Variants in DNAH9 observed in about 807,000 individuals in gnomAD.
The protein encoded by DNAH9 is dynein axonemal heavy chain 9, also known as DNAH9 variant protein.
A neutral mutation model predicts 471.6 loss-of-function variants in DNAH9; 345 were observed. The observed-to-expected ratio is 0.73, with a 90% CI of 0.67 to 0.80. The LOEUF is 0.80. Among genes scored for constraint, DNAH9 ranks in the 30% least tolerant of loss-of-function variants. DNAH9 has a pLI of 0.00. For missense variants in DNAH9, 5,407 were observed against 5,609.2 expected (o/e 0.96, Z 1.15); for synonymous variants, 2,093 against 2,123.6 (o/e 0.99, Z 0.40).
chr17:11,967,717 T>C (rs76228955), intron 68 of DNAH9, among the ~76,000 whole-genome samples: 1,639 of 152,230 alleles, frequency 0.011, 33 homozygotes, highest in African/African-American at 0.038. Flanking sequence ...ACGTTTTAGA[T>C]TGGAAGATAC....
chr17:11,859,801 T>C (rs1344957108), intron 50 of DNAH9, among the ~76,000 whole-genome samples: 1 of 152,018 alleles, frequency 6.6e-6, no homozygotes, highest in African/African-American at 2.4e-5. Context: ...AAGAACTCAT[T>C]TACCAGCAAG....
chr17:11,810,421 A>G (rs1239798598), intron 45 of DNAH9, 52 bp downstream of exon 45: 1 of 1,584,666 alleles, frequency 6.3e-7, no homozygotes, highest in Non-Finnish European at 8.6e-7. Flanking sequence ...CTGGAATCAG[A>G]GTTATACAAA....
At chr17:11,763,698 G>C in intron 36 of DNAH9, 84 bp downstream of exon 36, 1 of 1,326,676 alleles carries the variant, frequency 7.5e-7, no homozygotes, top group Non-Finnish European at 1.0e-6. Context: ...TGGAAGACAG[G>C]ACAGCTAAAT....
At chr17:11,690,675 A>G (rs1308037193) in intron 20 of DNAH9, among the ~76,000 whole-genome samples, 1 of 146,406 alleles carries the variant, frequency 6.8e-6, no homozygotes, top group African/African-American at 2.6e-5. Context: ...AAGAAAGGAA[A>G]ACCTCATTCA....
chr17:11,636,801 G>A lies in DNAH9; in HGVS notation c.1786+17G>A, dbSNP rs771834613. ...CAGAACTTGGTAGGCTTGTTAAAGG[G>A]GATTTTGATGGGGACATTCTGTTAC... On this transcript the variant is annotated intron_variant, in intron 9 of 68. Coordinates refer to ENST00000262442, the MANE Select transcript of DNAH9 (RefSeq NM_001372.4). The A allele has an allele frequency of 6.2e-7, 1 of 1,611,118 alleles. No homozygotes were observed. Among genetic ancestry groups the A allele is most frequent in the African/African-American group, 1.3e-5 (1 of 74,824 alleles).
chr17:11,852,595 G>T (rs368446966), intron 49 of DNAH9, among the ~76,000 whole-genome samples: 2 of 151,806 alleles, frequency 1.3e-5, no homozygotes, highest in African/African-American at 4.8e-5. Context: ...CAGATGGAAG[G>T]TGCAAATTCA....
At position 11,680,771 on chromosome 17, in the gene DNAH9, A is replaced by T. The variant is rs2074120035; in HGVS notation, c.3625A>T (p.Lys1209Ter). 6.2e-7 allele frequency: 1 copy of T among 1,613,996 alleles called. No homozygotes were observed. Among genetic ancestry groups the T allele is most frequent in the Non-Finnish European group, 8.5e-7 (1 of 1,179,926 alleles). Residue 1209 changes from lysine (K) to a stop codon, truncating the protein, a stop_gained, in exon 19 of 69, where the codon AAG (lysine) becomes TAG (stop). Coordinates refer to ENST00000262442, the MANE Select transcript of DNAH9 (RefSeq NM_001372.4). LOFTEE classifies it high-confidence loss of function. ...CATAAAAAAGGTGGCCATTACTGTG[A>T]AGCAGCAGGTGGCCCCACTGCAGGC... The part of the protein sequence containing the change: ...NNIKKVAITV[K>*]QQVAPLQANE...
chr17:11,916,949 T>A lies in DNAH9; in HGVS notation c.11750-6865T>A, dbSNP rs148178047. 3.4e-3 allele frequency among the ~76,000 whole-genome samples: 523 copies of A among 152,138 alleles called. 3 individuals are homozygous for A. The highest frequency in any genetic ancestry group is 0.012 in the African/African-American group (506 of 41,520). ...CATTGGCCAATTAATAATTAATAATTCCCTTGATTAGGAATCTATAATTTG... is the reference window on the plus strand; with the variant it reads ...CATTGGCCAATTAATAATTAATAATACCCTTGATTAGGAATCTATAATTTG... On this transcript the variant is annotated intron_variant, in intron 61 of 68. Transcript: ENST00000262442.
chr17:11,877,578 A>C (rs1972553568), intron 53 of DNAH9, among the ~76,000 whole-genome samples: 1 of 150,224 alleles, frequency 6.7e-6, no homozygotes, highest in African/African-American at 2.5e-5. Context: ...GCAAACAGCC[A>C]CTCAAAGTGA....
In DNAH9 at chr17:11,784,342, GC is replaced by G. The variant is rs769347008; in HGVS notation, c.7867del (p.Leu2623CysfsTer13). ...TGTCCTCTCCTTCCCGGGGGCAGATGCCCTGTCCTCTATCTACAGCATCATC... is the reference window on the plus strand; with the variant it reads ...TGTCCTCTCCTTCCCGGGGGCAGATGCCTGTCCTCTATCTACAGCATCATC... ...VFVLSFPGADALSSIYSIILT... is the reference protein window; with the variant it reads ...VFVLSFPGADXLSSIYSIILT... On this transcript the variant is annotated frameshift_variant, in exon 41 of 69. Coordinates refer to ENST00000262442, the MANE Select transcript of DNAH9 (RefSeq NM_001372.4). LOFTEE classifies it high-confidence loss of function. The G allele has an allele frequency of 6.2e-7, 1 of 1,614,160 alleles. No individual in the cohort carries two copies. The highest frequency in any genetic ancestry group is 8.5e-7 in the Non-Finnish European group (1 of 1,180,028).
intron 45 of DNAH9, among the ~76,000 whole-genome samples, chr17:11,815,330 T>A (rs939468597): frequency 1.3e-5 from 2 of 152,140 alleles, no homozygotes; most frequent in African/African-American, 4.8e-5. Context: ...CCACCAATTT[T>A]CCCCTTATCT....
At chr17:11,879,897 G>T (rs1445307532) in intron 53 of DNAH9, among the ~76,000 whole-genome samples, 181 bp from the exon 54 acceptor site, 1 of 152,108 alleles carries the variant, frequency 6.6e-6, no homozygotes, top group African/African-American at 2.4e-5. Context: ...TTCTAAAAGT[G>T]TATAGAATCA....
intron 41 of DNAH9, among the ~76,000 whole-genome samples, chr17:11,792,694 G>T (rs1300555350): frequency 1.3e-5 from 2 of 152,190 alleles, no homozygotes; most frequent in East Asian, 3.8e-4. Context: ...CTAGCCCTTT[G>T]TTATAGTTCT....
intron 27 of DNAH9, among the ~76,000 whole-genome samples, chr17:11,720,237 A>G (rs1412803727): frequency 1.3e-5 from 2 of 149,778 alleles, no homozygotes; most frequent in African/African-American, 4.9e-5. Flanking sequence ...CTATTTTCCA[A>G]TTTTTCTTTT....
intron 45 of DNAH9, among the ~76,000 whole-genome samples, chr17:11,814,871 TCTC>T (rs1162993108): frequency 6.6e-6 from 1 of 152,150 alleles, no homozygotes; most frequent in Non-Finnish European, 1.5e-5. Flanking sequence ...ATTGGATTGT[TCTC>T]CTCTGGTGGC....
At chr17:11,621,925 CAA>C (rs67785417) in intron 6 of DNAH9, among the ~76,000 whole-genome samples, 46 of 150,822 alleles carry the variant, frequency 3.0e-4, no homozygotes, top group East Asian at 5.9e-4. Flanking sequence ...ACTAAAAATA[CAA>C]AAAAAAAAAT....
At chr17:11,625,285 C>T (rs937779793) in intron 6 of DNAH9, among the ~76,000 whole-genome samples, 2 of 152,112 alleles carry the variant, frequency 1.3e-5, no homozygotes, top group East Asian at 1.9e-4. Flanking sequence ...AGACTTTATG[C>T]GAAGTGATTA....
intron 36 of DNAH9, among the ~76,000 whole-genome samples, chr17:11,764,214 G>A (rs1967837483): frequency 6.6e-6 from 1 of 152,130 alleles, no homozygotes; most frequent in Admixed American, 6.5e-5. Context: ...ATGTGGCTTG[G>A]AATATCCTTG....
intron 36 of DNAH9, among the ~76,000 whole-genome samples, chr17:11,767,805 T>G (rs1023807650): frequency 6.6e-6 from 1 of 152,168 alleles, no homozygotes; most frequent in African/African-American, 2.4e-5. Flanking sequence ...GCAAATTATA[T>G]GCTTCTACCT....
Sources: gnomAD v4.1 joint callset for allele counts (sites outside exome capture counted in the v4.1 genomes callset) on GRCh38, gnomAD v4.1.1 for gene constraint, MANE v1.5 for transcripts, NCBI Gene and HGNC (gene_info 2026-07-23, HGNC 2026-07-21) for gene names.